Variants in PDE1A observed in about 807,000 individuals in gnomAD.
PDE1A encodes the protein dual specificity calcium/calmodulin-dependent 3',5'-cyclic nucleotide phosphodiesterase 1A.
In PDE1A, 35 loss-of-function variants were observed where a neutral mutation model predicts 61.7. That is an observed-to-expected ratio of 0.57 (90% CI 0.43 to 0.75). The LOEUF (loss-of-function observed/expected upper bound fraction) is 0.75, where lower values mean the gene tolerates loss of function less well. PDE1A is among the 30% of genes least tolerant of loss of function. PDE1A has a pLI of 0.00. For synonymous variants in PDE1A, 232 were observed against 213.2 expected (o/e 1.09, Z -0.77); for missense variants, 597 against 630.6 (o/e 0.95, Z 0.57).
intron 2 of PDE1A, among the ~76,000 whole-genome samples, chr2:182,497,191 G>A (rs1034958848): frequency 6.6e-6 from 1 of 152,134 alleles, no homozygotes; most frequent in African/African-American, 2.4e-5. Context: ...AACAAAACAT[G>A]TTATAAATCC....
intron 1 of PDE1A, among the ~76,000 whole-genome samples, chr2:182,330,988 G>C (rs1697368407): frequency 6.6e-6 from 1 of 152,096 alleles, no homozygotes; most frequent in Admixed American, 6.6e-5. Context: ...CAGACATTGT[G>C]CTCCACCTTG....
chr2:182,441,088 A>T (rs1684761199), intron 2 of PDE1A, among the ~76,000 whole-genome samples: 2 of 152,034 alleles, frequency 1.3e-5, no homozygotes, highest in Admixed American at 1.3e-4. Context: ...ACAAAGGAAG[A>T]GCCAAGGGTC....
intron 1 of PDE1A, among the ~76,000 whole-genome samples, chr2:182,372,710 C>G (rs1700184467): frequency 6.6e-6 from 1 of 152,140 alleles, no homozygotes; most frequent in African/African-American, 2.4e-5. Flanking sequence ...GTTATTCATA[C>G]TAGAGAACCA....
At chr2:182,205,902 T>G in intron 8 of PDE1A, 38 bp downstream of exon 8, 1 of 1,564,812 alleles carries the variant, frequency 6.4e-7, no homozygotes, top group Non-Finnish European at 8.7e-7. Flanking sequence ...ATTCCTTTCC[T>G]GAAATTAAAT....
chr2:182,198,751 C>T (rs777931833), intron 10 of PDE1A, among the ~76,000 whole-genome samples: 3 of 151,706 alleles, frequency 2.0e-5, no homozygotes, highest in Non-Finnish European at 4.4e-5. Context: ...ATTTCTCTTT[C>T]AGTTTTATGG....
At position 182,264,412 on chromosome 2, in the gene PDE1A, A is replaced by G; in HGVS notation, c.56T>C (p.Leu19Pro). ...TTCCAGCTGCTTCACCAAGCATCTT[A>G]GTCTATTTCAAAAAAGTAGCCAAAG... Residue 19 changes from leucine (L) to proline (P), a missense_variant and splice_region_variant, in exon 2 of 14, where the codon CTA (leucine) becomes CCA (proline). Transcript: ENST00000351439. The G allele has an allele frequency of 1.9e-6, 3 of 1,609,318 alleles. No individual in the cohort carries two copies. The highest frequency in any genetic ancestry group is 2.5e-6 in the Non-Finnish European group (3 of 1,176,780).
At chr2:182,679,614 A>T in the PDE1A span, among the ~76,000 whole-genome samples, 1 of 152,170 alleles carries the variant, frequency 6.6e-6, no homozygotes. Context: ...AAAACTTTTT[A>T]AAAAAGGAAA....
chr2:182,174,692 C>T (rs896556937), intron 13 of PDE1A, among the ~76,000 whole-genome samples: 1 of 152,044 alleles, frequency 6.6e-6, no homozygotes, highest in African/African-American at 2.4e-5. Flanking sequence ...GATTGTCCTA[C>T]ACGTTGCATA....
At chr2:182,349,835 C>T (rs765387186) in intron 1 of PDE1A, among the ~76,000 whole-genome samples, 2 of 152,016 alleles carry the variant, frequency 1.3e-5, no homozygotes, top group East Asian at 1.9e-4. Flanking sequence ...ATAGCCTAAG[C>T]CTCTGGAGGG....
At chr2:182,153,901 G>A (rs1690928041) in intron 13 of PDE1A, among the ~76,000 whole-genome samples, 1 of 152,126 alleles carries the variant, frequency 6.6e-6, no homozygotes, top group African/African-American at 2.4e-5. Flanking sequence ...TACTTAATGG[G>A]TATAATGTAC....
At chr2:182,330,775 C>A (rs1330310397) in intron 1 of PDE1A, among the ~76,000 whole-genome samples, 1 of 152,162 alleles carries the variant, frequency 6.6e-6, no homozygotes, top group Non-Finnish European at 1.5e-5. Flanking sequence ...TTTGGCCTTG[C>A]TGACTAGTTT....
At chr2:182,206,362 A>G (rs1007989398) in intron 7 of PDE1A, among the ~76,000 whole-genome samples, 2 of 152,148 alleles carry the variant, frequency 1.3e-5, no homozygotes, top group African/African-American at 4.8e-5. Flanking sequence ...CCCCAACAAG[A>G]GTGGTATTTT....
chr2:182,670,083 A>C, the PDE1A span, among the ~76,000 whole-genome samples: 2 of 152,204 alleles, frequency 1.3e-5, no homozygotes, highest in Non-Finnish European at 2.9e-5. Context: ...CCACAGGGCC[A>C]TGCAGATATC....
chr2:182,559,901 A>C, the PDE1A span, among the ~76,000 whole-genome samples: 4 of 151,556 alleles, frequency 2.6e-5, no homozygotes, highest in South Asian at 2.1e-4. Context: ...TTAAATTTTT[A>C]AAAAACAGGC....
At chr2:182,498,390 G>C (rs1217420925) in intron 2 of PDE1A, among the ~76,000 whole-genome samples, 2 of 151,974 alleles carry the variant, frequency 1.3e-5, no homozygotes, top group East Asian at 3.9e-4. Flanking sequence ...TCTCAGAAAA[G>C]TATTAGAAAG....
chr2:182,289,761 C>T (rs1475173418), intron 1 of PDE1A, among the ~76,000 whole-genome samples: 1 of 152,072 alleles, frequency 6.6e-6, no homozygotes, highest in African/African-American at 2.4e-5. Context: ...TTCTCATCTT[C>T]TCTTTTGATT....
chr2:182,585,838 A>C, the PDE1A span, among the ~76,000 whole-genome samples: 3 of 152,192 alleles, frequency 2.0e-5, no homozygotes, highest in Non-Finnish European at 4.4e-5. Flanking sequence ...TCCTTATGTA[A>C]TATTTTAAAC....
the PDE1A span, among the ~76,000 whole-genome samples, chr2:182,689,221 A>G: frequency 6.6e-6 from 1 of 152,234 alleles, no homozygotes; most frequent in South Asian, 2.1e-4. Flanking sequence ...TCAACAGAAT[A>G]TACATTCTTC....
chr2:182,207,819 C>T (rs72895080), intron 7 of PDE1A, among the ~76,000 whole-genome samples: 5,018 of 152,280 alleles, frequency 0.033, 108 homozygotes, highest in Middle Eastern at 0.099. Context: ...GCTCTGTGCA[C>T]GCATCCTGGA....
Sources: gnomAD v4.1 joint callset for allele counts (sites outside exome capture counted in the v4.1 genomes callset) on GRCh38, gnomAD v4.1.1 for gene constraint, MANE v1.5 for transcripts, NCBI Gene and HGNC (gene_info 2026-07-23, HGNC 2026-07-21) for gene names.